The following FRY variants were observed in gnomAD, a reference collection of about 807,000 sequenced individuals.
The protein encoded by FRY is protein furry homolog.
Under a neutral mutation model 348.4 loss-of-function variants are expected in FRY, and 128 were observed. The ratio of observed to expected loss-of-function variants is 0.37; its 90% CI spans 0.32 to 0.43. The LOEUF (loss-of-function observed/expected upper bound fraction) is 0.43, where lower values mean the gene tolerates loss of function less well. FRY is among the 20% of genes least tolerant of loss of function. The pLI is 1.00. For missense variants in FRY, 2,736 were observed against 3,695.2 expected (o/e 0.74, Z 6.73); for synonymous variants, 1,370 against 1,374.7 (o/e 1.00, Z 0.08).
At chr13:32,164,789 C>T (rs1261973819) in intron 17 of FRY, among the ~76,000 whole-genome samples, 1 of 152,140 alleles carries the variant, frequency 6.6e-6, no homozygotes, top group Non-Finnish European at 1.5e-5. Context: ...CAGCTGTCTC[C>T]CCTTGGCAGC....
chr13:32,204,919 T>A (rs1319718296), intron 31 of FRY, among the ~76,000 whole-genome samples: 1 of 152,130 alleles, frequency 6.6e-6, no homozygotes, highest in Non-Finnish European at 1.5e-5. Flanking sequence ...AGATATGCAA[T>A]CAAGCCAAGC....
chr13:32,149,466 TG>T (rs35844101), intron 13 of FRY, among the ~76,000 whole-genome samples: 121,204 of 151,258 alleles, frequency 0.8, 49,132 homozygotes, highest in East Asian at 1. Flanking sequence ...ATTTGATTTG[TG>T]GGGGGGGGTC....
chr13:32,274,532 G>A (rs188512461), intron 55 of FRY, among the ~76,000 whole-genome samples: 73 of 151,100 alleles, frequency 4.8e-4, no homozygotes, highest in Admixed American at 8.6e-4. Flanking sequence ...GTGAAACCCC[G>A]TCTCTACTAA....
chr13:32,155,067 C>A (rs1881029359), intron 14 of FRY, among the ~76,000 whole-genome samples: 1 of 152,158 alleles, frequency 6.6e-6, no homozygotes, highest in Admixed American at 6.5e-5. Flanking sequence ...TTTATGGTTC[C>A]CATTTGGAAC....
chr13:32,198,941 A>G (rs1407910644), intron 29 of FRY, among the ~76,000 whole-genome samples: 1 of 152,222 alleles, frequency 6.6e-6, no homozygotes, highest in African/African-American at 2.4e-5. Flanking sequence ...ATTTTTTCTA[A>G]AGAAAGGCCA....
chr13:32,103,945 A>G (rs1877359294), intron 3 of FRY, among the ~76,000 whole-genome samples: 1 of 151,510 alleles, frequency 6.6e-6, no homozygotes, highest in Non-Finnish European at 1.5e-5. Context: ...CCTGGGTAAC[A>G]GTGAGACCGC....
intron 17 of FRY, 102 bp from the exon 18 acceptor site, chr13:32,170,910 C>A: frequency 2.2e-6 from 2 of 898,176 alleles, no homozygotes; most frequent in Non-Finnish European, 3.7e-6. Context: ...CATTTTCAGA[C>A]TCAAGTAGAA....
chr13:32,076,820 T>C (rs1457666085), intron 1 of FRY, among the ~76,000 whole-genome samples: 1 of 152,020 alleles, frequency 6.6e-6, no homozygotes, highest in Non-Finnish European at 1.5e-5. Flanking sequence ...TAGAAGAGTA[T>C]ATGGTTTAAT....
chr13:32,181,112 G>A (rs1198248550), intron 23 of FRY, among the ~76,000 whole-genome samples: 4 of 151,444 alleles, frequency 2.6e-5, no homozygotes, highest in Admixed American at 1.3e-4. Context: ...GGATGGTCTC[G>A]AACTCCTGAC....
chr13:32,182,053 A>G (rs919374112), intron 23 of FRY, among the ~76,000 whole-genome samples: 16 of 152,192 alleles, frequency 1.1e-4, no homozygotes, highest in Admixed American at 5.9e-4. Context: ...CATAGAGTTT[A>G]TCTTCCTGTC....
At chr13:32,048,018 A>T (rs991527533) in intron 1 of FRY, among the ~76,000 whole-genome samples, 1 of 152,010 alleles carries the variant, frequency 6.6e-6, no homozygotes, top group African/African-American at 2.4e-5. Flanking sequence ...CTTTCTACAT[A>T]CTTCCATTGT....
rs1198760180 is a variant in FRY, at chr13:32,138,136, TG to T, written c.1179+1165del. Among the ~76,000 whole-genome samples the T allele has an allele frequency of 6.6e-5, 10 of 151,342 alleles. No individual in the cohort carries two copies. In the East Asian group the frequency reaches 7.8e-4, roughly 12 times the overall value. ...CAGGTTTGTTTTTTTTGTTTTGTTT[TG>T]TTTTTTTGTTTTTTTTTTGAGGATC... On this transcript the variant is annotated intron_variant, in intron 11 of 60. Coordinates refer to ENST00000542859, the MANE Select transcript of FRY (RefSeq NM_023037.3).
chr13:32,129,928 C>T (rs1039560855), intron 7 of FRY, among the ~76,000 whole-genome samples: 2 of 152,088 alleles, frequency 1.3e-5, no homozygotes, highest in Non-Finnish European at 2.9e-5. Context: ...TAAACAATGT[C>T]TCTATGTTTA....
chr13:32,057,823 G>A (rs1593567275), intron 1 of FRY, among the ~76,000 whole-genome samples: 1 of 152,170 alleles, frequency 6.6e-6, no homozygotes, highest in African/African-American at 2.4e-5. Context: ...AGCCGAGTGT[G>A]GTGGCGGGCA....
chr13:32,267,490 T>C (rs1887981449), intron 55 of FRY, 131 bp downstream of exon 55: 2 of 767,358 alleles, frequency 2.6e-6, no homozygotes, highest in Non-Finnish European at 4.5e-6. Flanking sequence ...CACCCCTAAA[T>C]TTCCTCTGAC....
intron 55 of FRY, among the ~76,000 whole-genome samples, chr13:32,272,500 C>G (rs1888252966): frequency 6.6e-6 from 1 of 152,084 alleles, no homozygotes; most frequent in Non-Finnish European, 1.5e-5. Flanking sequence ...GAATTTACAT[C>G]CCCTAAATGT....
At position 32,272,916 on chromosome 13, in the gene FRY, T is replaced by TA. The variant is rs879623623; in HGVS notation, c.8137-1926_8137-1925insA. On this transcript the variant is annotated intron_variant, in intron 55 of 60. Coordinates refer to ENST00000542859, the MANE Select transcript of FRY (RefSeq NM_023037.3). ...GTGCCCAGCTAATTTTTTGGTATTT[T>TA]TTTTTTTTTAGCAGAGACGGGGTTT... Among the ~76,000 whole-genome samples, 78 of 151,526 alleles carry TA rather than the reference T, an allele frequency of 5.1e-4. No individual in the cohort carries two copies. The East Asian group carries it at 0.013, about 26-fold the overall frequency.
intron 1 of FRY, among the ~76,000 whole-genome samples, chr13:32,066,900 T>C (rs1417275199): frequency 2.0e-5 from 3 of 152,232 alleles, no homozygotes; most frequent in Admixed American, 6.5e-5. Flanking sequence ...TCATATATGC[T>C]CTTCTTTATT....
rs117725725 is a variant in FRY, at chr13:32,031,865, A to G, written c.70A>G (p.Thr24Ala). 2.0e-6 allele frequency: 3 copies of G among 1,482,150 alleles called. No homozygotes were observed. The East Asian group carries it at 6.8e-5, about 33-fold the overall frequency. The allele number at this position is 1,482,150 out of a possible 1,614,324, so 91.8% of individuals were successfully genotyped here. A position where few individuals can be genotyped will look rare whatever the true frequency, so the allele number is the denominator to read the frequency against. Reference sequence around the variant, plus strand: ...ATATTTACTGAAATCCTGGAGTAATAGTGAGTAATAGAAAATAACCTTTTT... The same window carrying G: ...ATATTTACTGAAATCCTGGAGTAATGGTGAGTAATAGAAAATAACCTTTTT... ...IKYLLKSWSN[T>A]SPVGNGYIKP... is the part of the protein sequence containing the mutation. The change falls in exon 1 of 61, where the codon ACT becomes GCT. Residue 24 changes from threonine to alanine, a missense_variant and splice_region_variant. Coordinates refer to ENST00000542859, the MANE Select transcript of FRY (RefSeq NM_023037.3).
Sources: allele counts gnomAD v4.1 joint callset (sites outside exome capture counted in the v4.1 genomes callset), GRCh38; gene constraint gnomAD v4.1.1; transcripts MANE v1.5; gene names NCBI Gene and HGNC (gene_info 2026-07-23, HGNC 2026-07-21).